Variants in PDXK observed in about 807,000 individuals in gnomAD.
PDXK encodes epididymis secretory sperm binding protein Li 1a.
PDXK carries 15 observed loss-of-function variants against 43.2 expected under a neutral mutation model. That is an observed-to-expected ratio of 0.35 (90% confidence interval 0.23 to 0.53). The LOEUF (loss-of-function observed/expected upper bound fraction) is 0.53, where lower values mean the gene tolerates loss of function less well. Among genes scored for constraint, PDXK ranks in the 20% least tolerant of loss-of-function variants. The probability of loss-of-function intolerance (pLI) is 0.92; values close to 1 mark genes in which losing one functional copy is unlikely to be tolerated. For synonymous variants in PDXK, 172 were observed against 165.4 expected, an observed-to-expected ratio of 1.04 and a Z score of -0.31; for missense variants, 343 against 417.0, an observed-to-expected ratio of 0.82 and a Z score of 1.54.
intron 1 of PDXK, chr21:43,728,837 G>A (rs747001424): frequency 5.8e-5 from 57 of 985,534 alleles, no homozygotes; most frequent in Non-Finnish European, 6.6e-5. Flanking sequence ...GACTGATGAG[G>A]TTGAAAGCAC....
At chr21:43,746,318 A>G (rs2083637937) in intron 5 of PDXK, among the ~76,000 whole-genome samples, 193 bp downstream of exon 5, 1 of 152,228 alleles carries the variant, frequency 6.6e-6, no homozygotes, top group African/African-American at 2.4e-5. Flanking sequence ...GTAGATAAAT[A>G]TCGACACCTT....
chr21:43,750,555 C>T lies in PDXK; in HGVS notation c.510+10C>T, dbSNP rs2083717720. 1.9e-6 allele frequency: 3 copies of T among 1,610,178 alleles called. No individual in the cohort carries two copies. The South Asian group carries it at 3.3e-5, about 18-fold the overall frequency. ...GGAGGAAGCCTTGCGGGTAAGGAGG[C>T]CCTCTGGGGCCTGTGCGGGGCACAT... On this transcript the variant is annotated intron_variant, in intron 7 of 10. Transcript: ENST00000291565.
At position 43,761,947 on chromosome 21, in the gene PDXK, G is replaced by T. The variant is rs567142280; in HGVS notation, c.*5884G>T. The T allele has an allele frequency of 6.5e-6, 1 of 153,826 alleles. No homozygotes were observed. Among genetic ancestry groups the T allele is most frequent in the Non-Finnish European group, 1.5e-5 (1 of 68,114 alleles). 9.5% of individuals were successfully genotyped at this position (153,826 alleles called of 1,614,324 possible). A position where few individuals can be genotyped will look rare whatever the true frequency, so the allele number is the denominator to read the frequency against. On this transcript the variant is annotated 3_prime_UTR_variant, in exon 11 of 11. Transcript: ENST00000291565. ...CCAGGTGTGTGGTGACCTTCTGGAT[G>T]CCTTTAACTTCATGGCTGCGTCATT...
Position 43,756,021 on chromosome 21 carries a change from C to T in PDXK, c.897C>T (p.Asp299=). ...LELRMVQSKR[D]IEDPEIVVQA... ...TGCGGATGGTGCAGAGCAAAAGGGA[C>T]ATCGAGGACCCAGAGATCGTCGTCC... is the stretch of plus-strand genomic sequence containing the variant. The change falls in exon 11 of 11, where the codon GAC becomes GAT. Residue 299 remains aspartate (D), a synonymous_variant. Transcript: ENST00000291565. The T allele has an allele frequency of 6.2e-7, 1 of 1,613,106 alleles. No individual in the cohort carries two copies. Among genetic ancestry groups the T allele is most frequent in the South Asian group, 1.1e-5 (1 of 90,966 alleles).
chr21:43,746,119 C>T lies in PDXK; in HGVS notation c.372C>T (p.Gly124=), dbSNP rs1180327245. Residue 124 remains glycine, a synonymous_variant, in exon 5 of 11, where the codon GGC becomes GGT. Coordinates refer to ENST00000291565, the MANE Select transcript of PDXK (RefSeq NM_003681.5). ...PVLGDKWDGE[G]SMYVPEDLLP... ...TGGGTGACAAGTGGGACGGCGAAGGCTCGATGGTGAGTAGTTTCACGTGTG... is the reference window on the plus strand; with the variant it reads ...TGGGTGACAAGTGGGACGGCGAAGGTTCGATGGTGAGTAGTTTCACGTGTG... 6.2e-7 allele frequency: 1 copy of T among 1,612,298 alleles called. No homozygotes were observed. Among genetic ancestry groups the T allele is most frequent in the African/African-American group, 1.3e-5 (1 of 74,878 alleles).
intron 1 of PDXK, chr21:43,733,822 T>A: frequency 2.8e-6 from 2 of 706,960 alleles, no homozygotes; most frequent in Non-Finnish European, 4.5e-6. Context: ...GGCGATGCCC[T>A]CCCGGGCTGG....
intron 2 of PDXK, among the ~76,000 whole-genome samples, chr21:43,740,131 C>G (rs572031943): frequency 2.6e-4 from 39 of 152,044 alleles, no homozygotes; most frequent in Non-Finnish European, 5.3e-4. Flanking sequence ...CCCAGGTGCA[C>G]CCCCCAGATG....
At chr21:43,753,821 G>GC in intron 9 of PDXK, 102 bp downstream of exon 9, 1 of 1,357,028 alleles carries the variant, frequency 7.4e-7, no homozygotes, top group Non-Finnish European at 1.0e-6. Context: ...AGCTGACAGG[G>GC]CATGGCCCTG....
Position 43,741,686 on chromosome 21 carries a change from C to A in PDXK, c.162C>A (p.Gly54=). Residue 54 remains glycine, a synonymous_variant, in exon 3 of 11, where the codon GGC becomes GGA. Coordinates refer to ENST00000291565, the MANE Select transcript of PDXK (RefSeq NM_003681.5). ...SNHTGYAHWK[G]QVLNSDELQE... Reference sequence around the variant, plus strand: ...CTCTAGGCTATGCCCACTGGAAGGGCCAAGTGCTGAATTCAGATGAGCTCC... The same window carrying A: ...CTCTAGGCTATGCCCACTGGAAGGGACAAGTGCTGAATTCAGATGAGCTCC... The A allele has an allele frequency of 6.2e-7, 1 of 1,612,786 alleles. No individual in the cohort carries two copies. The highest frequency in any genetic ancestry group is 1.3e-5 in the African/African-American group (1 of 74,980).
chr21:43,741,150 GGGCGGGGGGCTCGCGGGGGGGCTC>G (rs2083496820), intron 2 of PDXK: 1 of 18,148 alleles, frequency 5.5e-5, no homozygotes, highest in African/African-American at 3.5e-4. Flanking sequence ...GACAGTGCAG[GGGCGGGGGGCTCGCGGGGGGGCTC>G]GCGGGGGGCT....
intron 1 of PDXK, among the ~76,000 whole-genome samples, chr21:43,731,414 G>A (rs2083316215): frequency 6.6e-6 from 1 of 152,226 alleles, no homozygotes; most frequent in African/African-American, 2.4e-5. Context: ...GGTTGCCCGA[G>A]GGTGAGCGGG....
chr21:43,737,172 G>T lies in PDXK; in HGVS notation c.142+3049G>T. On this transcript the variant is annotated intron_variant, in intron 2 of 10. Coordinates refer to ENST00000291565, the MANE Select transcript of PDXK (RefSeq NM_003681.5). This position sits in a 1 kb window ranked among gnomAD's most constrained non-coding sequence, Gnocchi z 4.8. ...GATGGGCCACAAAGCCAGACTCCCG[G>T]CAGGGACACGGGTGTTCCACACAAG... 6.9e-7 allele frequency: 1 copy of T among 1,459,220 alleles called. No individual in the cohort carries two copies. Among genetic ancestry groups the T allele is most frequent in the Non-Finnish European group, 9.1e-7 (1 of 1,101,846 alleles). 90.4% of individuals were successfully genotyped at this position (1,459,220 alleles called of 1,614,324 possible).
At chr21:43,741,834 G>A (rs1434531933) in intron 3 of PDXK, 63 bp downstream of exon 3, 4 of 1,144,592 alleles carry the variant, frequency 3.5e-6, no homozygotes, top group East Asian at 4.7e-5. Flanking sequence ...GGTGGGCTCA[G>A]GGAGGTCCAG....
chr21:43,741,678 T>G lies in PDXK; in HGVS notation c.154T>G (p.Trp52Gly). The change falls in exon 3 of 11, where the codon TGG (tryptophan) becomes GGG (glycine). Residue 52 changes from tryptophan (W) to glycine (G), a missense_variant. Coordinates refer to ENST00000291565, the MANE Select transcript of PDXK (RefSeq NM_003681.5). The part of the protein sequence containing the change: ...QFSNHTGYAH[W>G]KGQVLNSDEL... ...TCCTCTGCCTCTAGGCTATGCCCAC[T>G]GGAAGGGCCAAGTGCTGAATTCAGA... The G allele has an allele frequency of 1.2e-6, 2 of 1,612,574 alleles. No homozygotes were observed. The highest frequency in any genetic ancestry group is 1.7e-6 in the Non-Finnish European group (2 of 1,178,898).
intron 1 of PDXK, chr21:43,733,526 C>T (rs1255075642): frequency 5.4e-6 from 2 of 373,526 alleles, no homozygotes; most frequent in East Asian, 3.1e-4. Context: ...GTCTGGAACC[C>T]TCACCCTCTC....
At chr21:43,720,454 C>A (rs1012918237) in intron 1 of PDXK, among the ~76,000 whole-genome samples, 1 of 152,140 alleles carries the variant, frequency 6.6e-6, no homozygotes, top group African/African-American at 2.4e-5. Flanking sequence ...CCTAGGCGTG[C>A]CCCCAGGAGG....
rs930625724 is a variant in PDXK at position 43,735,597 on chromosome 21, C to T, written c.142+1474C>T. Among the ~76,000 whole-genome samples the T allele has an allele frequency of 2.0e-5, 3 of 152,306 alleles. No individual in the cohort carries two copies. Among genetic ancestry groups the T allele is most frequent in the African/African-American group, 7.2e-5 (3 of 41,562 alleles). ...GCCAGGCAGACAGCCTGGGGGTGTC[C>T]CTTCCCATGGGGTCCAGCCTGTGGT... On this transcript the variant is annotated intron_variant, in intron 2 of 10. Coordinates refer to ENST00000291565, the MANE Select transcript of PDXK (RefSeq NM_003681.5). The surrounding 1 kb of genome is among the most constrained non-coding windows in gnomAD (Gnocchi z 5.3).
Position 43,732,234 on chromosome 21 carries a change from A to T in PDXK, c.88-1835A>T. ...ATTCCAGAGGCATGGTCCGGCACAGAGCGCTGGCTTCCAGCTGAAGGACAT... is the reference window on the plus strand; with the variant it reads ...ATTCCAGAGGCATGGTCCGGCACAGTGCGCTGGCTTCCAGCTGAAGGACAT... On this transcript the variant is annotated intron_variant, in intron 1 of 10. Coordinates refer to ENST00000291565, the MANE Select transcript of PDXK (RefSeq NM_003681.5). This position sits in a 1 kb window ranked among gnomAD's most constrained non-coding sequence, Gnocchi z 4.1. The T allele has an allele frequency of 6.8e-7, 1 of 1,461,116 alleles. No individual in the cohort carries two copies. The allele number at this position is 1,461,116 out of a possible 1,614,324, so 90.5% of individuals were successfully genotyped here. A position where few individuals can be genotyped will look rare whatever the true frequency, so the allele number is the denominator to read the frequency against.
intron 4 of PDXK, 67 bp downstream of exon 4, chr21:43,743,874 C>T (rs535312114): frequency 1.8e-5 from 19 of 1,075,232 alleles, no homozygotes; most frequent in Non-Finnish European, 1.8e-5. Flanking sequence ...CCTGGGAGCC[C>T]GGGAAGGGAC....
Sources: gnomAD v4.1 joint callset for allele counts (sites outside exome capture counted in the v4.1 genomes callset) on GRCh38, gnomAD v4.1.1 for gene constraint, Gnocchi (gnomAD v3.1) non-coding constraint, MANE v1.5 for transcripts, NCBI Gene and HGNC (gene_info 2026-07-23, HGNC 2026-07-21) for gene names.